The following NCKAP5 variants were observed in gnomAD, a reference collection of about 807,000 sequenced individuals.
The protein encoded by NCKAP5 is nck-associated protein 5.
Under a neutral mutation model 167.0 loss-of-function variants are expected in NCKAP5, and 92 were observed. That is an observed-to-expected ratio of 0.55 (90% CI 0.47 to 0.66). NCKAP5 has a LOEUF of 0.66. Ranked by LOEUF, NCKAP5 falls within the 30% of genes least tolerant of loss-of-function variation. The pLI is 0.00. For missense variants in NCKAP5, 2,378 were observed against 2,315.0 expected (o/e 1.03, Z -0.56); for synonymous variants, 891 against 877.4 (o/e 1.02, Z -0.27).
chr2:133,130,449 T>C (rs745675400), intron 5 of NCKAP5, among the ~76,000 whole-genome samples: 1 of 152,240 alleles, frequency 6.6e-6, no homozygotes, highest in Non-Finnish European at 1.5e-5. Context: ...ATAAGTCAGA[T>C]AATAATTAGT....
intron 2 of NCKAP5, among the ~76,000 whole-genome samples, chr2:133,549,786 C>A (rs1687113117): frequency 6.6e-6 from 1 of 150,408 alleles, no homozygotes; most frequent in Non-Finnish European, 1.5e-5. Context: ...AAAAACCCTT[C>A]AAAAAATCAA....
At chr2:133,511,234 G>T (rs1278738936) in intron 3 of NCKAP5, among the ~76,000 whole-genome samples, 1 of 152,192 alleles carries the variant, frequency 6.6e-6, no homozygotes, top group Admixed American at 6.5e-5. Context: ...GACTTTTCGT[G>T]TTAGGATCTG....
At chr2:133,019,724 C>G (rs774078956) in intron 6 of NCKAP5, among the ~76,000 whole-genome samples, 9 of 152,134 alleles carry the variant, frequency 5.9e-5, no homozygotes, top group Non-Finnish European at 1.0e-4. Context: ...TAACCCAAAC[C>G]AAACCTAAGA....
intron 5 of NCKAP5, among the ~76,000 whole-genome samples, chr2:133,166,902 G>A (rs2149970203): frequency 6.6e-6 from 1 of 152,246 alleles, no homozygotes; most frequent in South Asian, 2.1e-4. Flanking sequence ...TCTCCCGTCT[G>A]AGCTGGTTTA....
chr2:132,725,620 T>G lies in NCKAP5; in HGVS notation c.5713+7A>C. On this transcript the variant is annotated splice_region_variant and intron_variant, in intron 19 of 19. Coordinates refer to ENST00000409261, the MANE Select transcript of NCKAP5 (RefSeq NM_207363.3). ...CCTGCAGGGCCAGCAAGTTCGCTGG[T>G]TGTTACCTGGGGCAGCGCTCTTCAG... 6.2e-7 allele frequency: 1 copy of G among 1,604,626 alleles called. No homozygotes were observed. Among genetic ancestry groups the G allele is most frequent in the Non-Finnish European group, 8.5e-7 (1 of 1,176,652 alleles).
upstream of NCKAP5, among the ~76,000 whole-genome samples, chr2:133,571,065 A>T (rs1688848611): frequency 6.6e-6 from 1 of 152,238 alleles, no homozygotes; most frequent in Non-Finnish European, 1.5e-5. Flanking sequence ...AAGATAGGAT[A>T]GACTTTTCAA....
chr2:133,157,884 G>A (rs559001674), intron 5 of NCKAP5, among the ~76,000 whole-genome samples: 30 of 152,274 alleles, frequency 2.0e-4, no homozygotes, highest in African/African-American at 6.5e-4. Context: ...TTTTCCAACT[G>A]AGAAAGTGAT....
At chr2:132,882,020 G>A (rs2148824862) in intron 8 of NCKAP5, among the ~76,000 whole-genome samples, 2 of 152,210 alleles carry the variant, frequency 1.3e-5, no homozygotes, top group South Asian at 4.2e-4. Context: ...CTATCTGTTA[G>A]TATGAAAACA....
intron 5 of NCKAP5, among the ~76,000 whole-genome samples, chr2:133,173,137 C>T (rs35101763): frequency 0.066 from 10,061 of 152,100 alleles, 643 homozygotes; most frequent in East Asian, 0.37. Flanking sequence ...CTGAGGAGTG[C>T]CTGTCTCCTC....
chr2:133,368,982 A>G (rs969666751), intron 3 of NCKAP5, among the ~76,000 whole-genome samples: 18 of 152,228 alleles, frequency 1.2e-4, no homozygotes, highest in African/African-American at 3.9e-4. Flanking sequence ...CCACAAGGAC[A>G]TATCCAGACA....
chr2:132,776,074 T>C (rs1682521124), intron 15 of NCKAP5, among the ~76,000 whole-genome samples: 1 of 152,182 alleles, frequency 6.6e-6, no homozygotes, highest in Non-Finnish European at 1.5e-5. Flanking sequence ...TCATACAGAA[T>C]TTCAGTTATA....
intron 3 of NCKAP5, among the ~76,000 whole-genome samples, chr2:133,310,750 G>A (rs1322363449): frequency 1.3e-5 from 2 of 152,264 alleles, no homozygotes; most frequent in Admixed American, 1.3e-4. Flanking sequence ...AGCACTCAAA[G>A]GTGTGTTAAG....
At chr2:133,394,102 G>A (rs1574870699) in intron 3 of NCKAP5, among the ~76,000 whole-genome samples, 1 of 152,278 alleles carries the variant, frequency 6.6e-6, no homozygotes, top group African/African-American at 2.4e-5. Context: ...CTGCACAATG[G>A]GTGGTTCACA....
chr2:133,488,362 G>C (rs1681099802), intron 3 of NCKAP5, among the ~76,000 whole-genome samples: 2 of 152,164 alleles, frequency 1.3e-5, no homozygotes, highest in African/African-American at 4.8e-5. Context: ...GCTGGTGGCT[G>C]TTGATCAGAC....
intron 5 of NCKAP5, among the ~76,000 whole-genome samples, chr2:133,142,773 A>G (rs1404546193): frequency 6.6e-6 from 1 of 152,116 alleles, no homozygotes; most frequent in Non-Finnish European, 1.5e-5. Context: ...GCTTACCATA[A>G]GCCTTTGTCG....
chr2:133,588,271 C>A, the NCKAP5 span, among the ~76,000 whole-genome samples: 1 of 122,350 alleles, frequency 8.2e-6, no homozygotes, highest in Admixed American at 7.6e-5. Flanking sequence ...TCCTCCCTCC[C>A]TCCCTCCCTC....
At chr2:133,168,858 T>C (rs964544437) in intron 5 of NCKAP5, among the ~76,000 whole-genome samples, 7 of 152,166 alleles carry the variant, frequency 4.6e-5, no homozygotes, top group Non-Finnish European at 1.0e-4. Flanking sequence ...ATAAAGAGTG[T>C]ATTCCTCACT....
intron 6 of NCKAP5, among the ~76,000 whole-genome samples, chr2:133,089,029 CA>C (rs2081085866): frequency 6.6e-6 from 1 of 152,118 alleles, no homozygotes; most frequent in East Asian, 1.9e-4. Context: ...GATGCAGAGA[CA>C]AATTACAGAC....
intron 19 of NCKAP5, among the ~76,000 whole-genome samples, chr2:132,685,724 C>T (rs886693526): frequency 6.6e-6 from 1 of 152,130 alleles, no homozygotes; most frequent in African/African-American, 2.4e-5. Flanking sequence ...CTGTTTTTCT[C>T]CCCATGGAAG....
Sources: gnomAD v4.1 joint callset for allele counts (sites outside exome capture counted in the v4.1 genomes callset) on GRCh38, gnomAD v4.1.1 for gene constraint, MANE v1.5 for transcripts, NCBI Gene and HGNC (gene_info 2026-07-23, HGNC 2026-07-21) for gene names.